FHOD3: variants seen among roughly 807,000 people sequenced by gnomAD.
The protein encoded by FHOD3 is formin homology 2 domain containing 3, also known as FH1/FH2 domain-containing protein 3.
A neutral mutation model predicts 173.0 loss-of-function variants in FHOD3; 90 were observed. The ratio of observed to expected loss-of-function variants is 0.52; its 90% CI spans 0.44 to 0.62. The LOEUF (loss-of-function observed/expected upper bound fraction) is 0.62. Among genes scored for constraint, FHOD3 ranks in the 20% least tolerant of loss-of-function variants. The pLI, the probability that FHOD3 is intolerant of heterozygous loss-of-function variation, is 0.00. For missense variants in FHOD3, 1,945 were observed against 2,034.7 expected (o/e 0.96, Z 0.85); for synonymous variants, 828 against 823.0 (o/e 1.01, Z -0.10).
chr18:36,638,866 T>C (rs1291695467), intron 10 of FHOD3, among the ~76,000 whole-genome samples: 2 of 152,112 alleles, frequency 1.3e-5, no homozygotes, highest in South Asian at 4.1e-4. Context: ...CTTGTCCTGG[T>C]TTAGGAGGGT....
intron 3 of FHOD3, among the ~76,000 whole-genome samples, chr18:36,436,022 A>C (rs1332676085): frequency 6.6e-6 from 1 of 152,182 alleles, no homozygotes; most frequent in African/African-American, 2.4e-5. Context: ...CTGGGTATGA[A>C]AAAAATGTCA....
intron 3 of FHOD3, among the ~76,000 whole-genome samples, chr18:36,402,514 C>G (rs1196683692): frequency 6.6e-6 from 1 of 150,540 alleles, no homozygotes; most frequent in Non-Finnish European, 1.5e-5. Context: ...TATACACACA[C>G]ACACACACAC....
intron 5 of FHOD3, among the ~76,000 whole-genome samples, chr18:36,557,066 A>G (rs1599645932): frequency 6.6e-6 from 1 of 152,054 alleles, no homozygotes; most frequent in Non-Finnish European, 1.5e-5. Flanking sequence ...TTTGTTTCAT[A>G]TGCATCTATT....
chr18:36,707,275 G>A (rs1482555083), intron 17 of FHOD3, among the ~76,000 whole-genome samples: 1 of 152,018 alleles, frequency 6.6e-6, no homozygotes, highest in African/African-American at 2.4e-5. Flanking sequence ...TCAGCTGCAG[G>A]GGGGTCTTTG....
At chr18:36,656,116 G>A (rs898372209) in intron 13 of FHOD3, among the ~76,000 whole-genome samples, 3 of 152,166 alleles carry the variant, frequency 2.0e-5, no homozygotes, top group Admixed American at 6.5e-5. Flanking sequence ...GCTAGGTGTC[G>A]TGCGGGGCAG....
At chr18:36,694,466 T>G (rs1010573416) in intron 17 of FHOD3, among the ~76,000 whole-genome samples, 3 of 152,194 alleles carry the variant, frequency 2.0e-5, no homozygotes, top group African/African-American at 7.2e-5. Context: ...CCATGGAAGA[T>G]TGTCCCAGGC....
Position 36,602,767 on chromosome 18 carries a change from AG to A in FHOD3, c.813+1del. On this transcript the variant is annotated frameshift_variant and splice_region_variant, in exon 8 of 29. Transcript: ENST00000590592. LOFTEE classifies it high-confidence loss of function. ...GTTTATGCAATGACTTTGGTGAACA[AG>A]GTTGGTTGACTATGTTATGGGTTGA... ...LLVYAMTLVN[K>X]TLSGLPDQDT... The A allele has an allele frequency of 6.2e-7, 1 of 1,613,080 alleles. No homozygotes were observed. Among genetic ancestry groups the A allele is most frequent in the Non-Finnish European group, 8.5e-7 (1 of 1,178,994 alleles).
rs1568470333 is a variant in FHOD3, at chr18:36,594,879, T to C, written c.699T>C (p.Thr233=). 1 of 1,613,232 alleles carries C rather than the reference T, an allele frequency of 6.2e-7. No homozygotes were observed. Among genetic ancestry groups the C allele is most frequent in the East Asian group, 2.2e-5 (1 of 44,884 alleles). The change falls in exon 7 of 29, where the codon ACT becomes ACC. Residue 233 remains threonine (T), a synonymous_variant. Coordinates refer to ENST00000590592, the MANE Select transcript of FHOD3 (RefSeq NM_001281740.3). ...CACCTCTCCTAATTCAGGCTGTCAC[T>C]GCTGTTGACACGAAAAGAGGTGAGT... The part of the protein sequence containing the change: ...SNAPLLIQAV[T]AVDTKRGVKP...
At position 36,518,062 on chromosome 18, in the gene FHOD3, C is replaced by T. The variant is rs144886148; in HGVS notation, c.511+5519C>T. Among the ~76,000 whole-genome samples, 9 of 152,316 alleles carry T rather than the reference C, an allele frequency of 5.9e-5. No homozygotes were observed. The East Asian group carries it at 1.7e-3, about 29-fold the overall frequency. ...AATGATCAAGTGGTAATTAAACTAA[C>T]ATCCTCCTTGTCAGAAAAACTGAAG... On this transcript the variant is annotated intron_variant, in intron 5 of 28. Transcript: ENST00000590592.
At chr18:36,493,311 A>AT (rs915005475) in intron 3 of FHOD3, among the ~76,000 whole-genome samples, 2 of 150,450 alleles carry the variant, frequency 1.3e-5, no homozygotes, top group South Asian at 2.1e-4. Context: ...CGACCAAGCA[A>AT]TTTTTTTTCA....
intron 1 of FHOD3, among the ~76,000 whole-genome samples, chr18:36,316,929 T>G (rs549718159): frequency 4.0e-5 from 6 of 150,216 alleles, no homozygotes; most frequent in Non-Finnish European, 8.9e-5. Context: ...TGTGTCCATG[T>G]GTACTCATTG....
intron 5 of FHOD3, among the ~76,000 whole-genome samples, chr18:36,531,052 A>G (rs1340328177): frequency 1.3e-5 from 2 of 152,080 alleles, no homozygotes; most frequent in Admixed American, 6.5e-5. Context: ...TGGACACAGG[A>G]TGTTAGAGCC....
chr18:36,360,349 T>C (rs1489977404), intron 2 of FHOD3, among the ~76,000 whole-genome samples: 1 of 152,308 alleles, frequency 6.6e-6, no homozygotes, highest in East Asian at 1.9e-4. Context: ...CGTTCACCTT[T>C]TCCTTGGCAT....
Position 36,769,546 on chromosome 18 carries a change from C to T in FHOD3, c.4786+120C>T. 4.7e-6 allele frequency: 6 copies of T among 1,281,126 alleles called. No homozygotes were observed. In the South Asian group the frequency reaches 9.3e-5, roughly 20 times the overall value. 79.4% of individuals were successfully genotyped at this position (1,281,126 alleles called of 1,614,324 possible). ...GAATTGTCAGTGGCTCCCAGAGTGC[C>T]TACTTGCACTCATCCACAGAAAGTT... On this transcript the variant is annotated intron_variant, in intron 28 of 28. Transcript: ENST00000590592.
At chr18:36,612,369 C>CA (rs2032772658) in intron 9 of FHOD3, among the ~76,000 whole-genome samples, 1 of 152,178 alleles carries the variant, frequency 6.6e-6, no homozygotes, top group African/African-American at 2.4e-5. Flanking sequence ...CTTTAAAGAA[C>CA]ATGCCGTTTG....
At chr18:36,550,594 A>G (rs2057612406) in intron 5 of FHOD3, among the ~76,000 whole-genome samples, 1 of 152,078 alleles carries the variant, frequency 6.6e-6, no homozygotes, top group Non-Finnish European at 1.5e-5. Context: ...ATATATCTCT[A>G]TTTAGGTCAC....
At chr18:36,629,699 A>C (rs1212447461) in intron 10 of FHOD3, among the ~76,000 whole-genome samples, 1 of 152,020 alleles carries the variant, frequency 6.6e-6, no homozygotes, top group Non-Finnish European at 1.5e-5. Context: ...ATGAGTTCCC[A>C]GGGCACAGAG....
At chr18:36,562,307 G>A (rs1220710907) in intron 5 of FHOD3, among the ~76,000 whole-genome samples, 2 of 152,114 alleles carry the variant, frequency 1.3e-5, no homozygotes, top group African/African-American at 2.4e-5. Context: ...GTGAGCCACT[G>A]CACCCGGCCA....
intron 3 of FHOD3, among the ~76,000 whole-genome samples, chr18:36,385,700 C>T (rs994539509): frequency 1.3e-5 from 2 of 152,200 alleles, no homozygotes; most frequent in Non-Finnish European, 2.9e-5. Flanking sequence ...TGGGCCTGGC[C>T]TCCAGTTATC....
Sources: gnomAD v4.1 joint callset for allele counts (sites outside exome capture counted in the v4.1 genomes callset) on GRCh38, gnomAD v4.1.1 for gene constraint, MANE v1.5 for transcripts, NCBI Gene and HGNC (gene_info 2026-07-23, HGNC 2026-07-21) for gene names.